The following AKNA variants were observed in gnomAD, a reference collection of about 807,000 sequenced individuals.
The protein encoded by AKNA is AT-hook transcription factor.
A neutral mutation model predicts 138.8 loss-of-function variants in AKNA; 67 were observed. The observed-to-expected ratio is 0.48, with a 90% confidence interval of 0.40 to 0.59. The LOEUF (loss-of-function observed/expected upper bound fraction) is 0.59. AKNA is among the 20% of genes least tolerant of loss of function. The probability of loss-of-function intolerance (pLI) is 0.00; values close to 1 mark genes in which losing one functional copy is unlikely to be tolerated. For synonymous variants in AKNA, 737 were observed against 754.4 expected, an observed-to-expected ratio of 0.98 and a Z score of 0.38; for missense variants, 1,813 against 1,880.4, an observed-to-expected ratio of 0.96 and a Z score of 0.66.
chr9:114,398,013 G>C (rs1332912914), upstream of AKNA, among the ~76,000 whole-genome samples: 1 of 152,138 alleles, frequency 6.6e-6, no homozygotes, highest in Non-Finnish European at 1.5e-5. The surrounding 1 kb of genome is among the most constrained non-coding windows in gnomAD (Gnocchi z 4.2). Flanking sequence ...ACAGCAACCC[G>C]GGCCACGCCT....
upstream of AKNA, among the ~76,000 whole-genome samples, chr9:114,390,997 G>A (rs1158313337): frequency 1.3e-5 from 2 of 152,194 alleles, no homozygotes; most frequent in African/African-American, 2.4e-5. Context: ...CCAGCACACA[G>A]GCCCTGATAT....
chr9:114,382,995 C>T (rs1833795082), intron 1 of AKNA, among the ~76,000 whole-genome samples: 1 of 151,880 alleles, frequency 6.6e-6, no homozygotes, highest in South Asian at 2.2e-4. Context: ...AATTTCACCT[C>T]AATTTAAAGA....
chr9:114,368,658 C>T, intron 4 of AKNA, 63 bp from the exon 5 acceptor site: 2 of 1,271,304 alleles, frequency 1.6e-6, no homozygotes, highest in Non-Finnish European at 1.0e-6. Context: ...CCTGAAACGC[C>T]TCATCTTCAT....
intron 14 of AKNA, among the ~76,000 whole-genome samples, chr9:114,352,746 C>A (rs1368138845): frequency 6.6e-6 from 1 of 152,008 alleles, no homozygotes; most frequent in African/African-American, 2.4e-5. Flanking sequence ...CATGGTGAAA[C>A]CCCATATCCA....
At chr9:114,365,768 T>C (rs1832301658) in intron 6 of AKNA, among the ~76,000 whole-genome samples, 1 of 152,204 alleles carries the variant, frequency 6.6e-6, no homozygotes, top group Non-Finnish European at 1.5e-5. Context: ...CTCTGAAATC[T>C]GGCATGTGTT....
chr9:114,368,663 C>G (rs1174827039), intron 4 of AKNA, 68 bp from the exon 5 acceptor site: 2 of 1,254,380 alleles, frequency 1.6e-6, no homozygotes, highest in Admixed American at 7.2e-5. Flanking sequence ...AACGCCTCAT[C>G]TTCATTCAGG....
chr9:114,351,121 G>A, intron 14 of AKNA, 100 bp from the exon 15 acceptor site: 1 of 1,271,564 alleles, frequency 7.9e-7, no homozygotes, highest in Non-Finnish European at 1.1e-6. Flanking sequence ...AAGAGACGGT[G>A]CCTAGTTCAA....
At chr9:114,398,338 C>A (rs972503051), upstream of AKNA, 3 of 152,148 alleles carry the variant, frequency 2.0e-5, no homozygotes, top group Non-Finnish European at 4.4e-5. The surrounding 1 kb of genome is among the most constrained non-coding windows in gnomAD (Gnocchi z 4.2). Context: ...AGCCCACTGG[C>A]GCTGTCCACT....
At chr9:114,372,606 C>T (rs1397231715) in intron 4 of AKNA, among the ~76,000 whole-genome samples, 5 of 152,180 alleles carry the variant, frequency 3.3e-5, no homozygotes, top group Non-Finnish European at 7.3e-5. Context: ...GCCCCCGCCA[C>T]TCCATGACCT....
intron 7 of AKNA, among the ~76,000 whole-genome samples, chr9:114,363,869 A>G (rs1479992241): frequency 1.3e-5 from 2 of 152,136 alleles, no homozygotes; most frequent in Non-Finnish European, 2.9e-5. Context: ...TTTGACGCCT[A>G]CACTCCCAGA....
rs773545269 is a variant in AKNA at position 114,376,527 on chromosome 9, G to C, written c.1280C>G (p.Thr427Ser). The C allele has an allele frequency of 3.7e-6, 6 of 1,614,050 alleles. No homozygotes were observed. In the South Asian group the frequency reaches 6.6e-5, roughly 18 times the overall value. ...AKDTPPAHPI[T>S]RVPQEFQTPE... Reference sequence around the variant, plus strand: ...CGTCTGAAATTCTTGGGGTACCCTGGTGATAGGGTGGGCAGGAGGCGTGTC... The same window carrying C: ...CGTCTGAAATTCTTGGGGTACCCTGCTGATAGGGTGGGCAGGAGGCGTGTC... The change falls in exon 3 of 22, where the codon ACC becomes AGC. Residue 427 changes from threonine to serine, a missense_variant. Thr to Ser is a moderately conservative substitution (Grantham distance 58). Coordinates refer to ENST00000374088, the MANE Select transcript of AKNA (RefSeq NM_001317950.2).
chr9:114,354,172 C>CT (rs1422534080), intron 14 of AKNA, among the ~76,000 whole-genome samples: 2 of 151,984 alleles, frequency 1.3e-5, no homozygotes, highest in Middle Eastern at 3.4e-3. Context: ...TCCTTATAAG[C>CT]TTTTTTCTAT....
chr9:114,361,167 C>T (rs1259665114), intron 9 of AKNA, among the ~76,000 whole-genome samples: 1 of 152,212 alleles, frequency 6.6e-6, no homozygotes, highest in African/African-American at 2.4e-5. Flanking sequence ...GCCCCTACAT[C>T]ATGGGGCCCC....
At chr9:114,380,981 C>CA (rs34055519) in intron 2 of AKNA, 79 bp downstream of exon 2, 77,070 of 1,099,922 alleles carry the variant, frequency 0.07, 133 homozygotes, top group African/African-American at 0.096. Context: ...GACTCTGTCT[C>CA]AAAAAAAAAA....
intron 2 of AKNA, among the ~76,000 whole-genome samples, chr9:114,380,738 G>A (rs1207171532): frequency 6.6e-6 from 1 of 151,570 alleles, no homozygotes; most frequent in African/African-American, 2.4e-5. Context: ...CACTTTGGGA[G>A]GCCGAGGCGG....
chr9:114,333,065 C>T (rs1829887790), downstream of AKNA: 3 of 1,571,608 alleles, frequency 1.9e-6, no homozygotes, highest in South Asian at 2.3e-5. Flanking sequence ...CCGCTGCCTT[C>T]TAGGATAAGT....
chr9:114,361,031 A>C, intron 9 of AKNA, among the ~76,000 whole-genome samples: 1 of 152,000 alleles, frequency 6.6e-6, no homozygotes, highest in Admixed American at 6.5e-5. Context: ...TTAAGTCCAC[A>C]CATGCTTCTC....
chr9:114,340,418 T>C (rs1185155849), intron 21 of AKNA, among the ~76,000 whole-genome samples: 1 of 152,228 alleles, frequency 6.6e-6, no homozygotes, highest in East Asian at 1.9e-4. Flanking sequence ...AACCCACTTT[T>C]ACTCCTTCTT....
Position 114,377,534 on chromosome 9 carries a change from T to C in AKNA, c.275-2A>G, listed in dbSNP as rs866797405. The C allele has an allele frequency of 1.3e-6, 2 of 1,587,820 alleles. No homozygotes were observed. Among genetic ancestry groups the C allele is most frequent in the Non-Finnish European group, 1.7e-6 (2 of 1,166,954 alleles). On this transcript the variant is annotated splice_acceptor_variant, in intron 2 of 21. Coordinates refer to ENST00000374088, the MANE Select transcript of AKNA (RefSeq NM_001317950.2). LOFTEE classifies it high-confidence loss of function. ...TGTCCACATCCTCTGCTTCAGCCTCTGGAAAGACAGGCCATTCACTTCTTA... is the reference window on the plus strand; with the variant it reads ...TGTCCACATCCTCTGCTTCAGCCTCCGGAAAGACAGGCCATTCACTTCTTA...
Sources: allele counts gnomAD v4.1 joint callset (sites outside exome capture counted in the v4.1 genomes callset), GRCh38; gene constraint gnomAD v4.1.1; non-coding constraint Gnocchi (gnomAD v3.1); transcripts MANE v1.5; gene names NCBI Gene and HGNC (gene_info 2026-07-23, HGNC 2026-07-21).